The following KLF12 variants were observed in gnomAD, a reference collection of about 807,000 sequenced individuals.
The protein encoded by KLF12 is Krueppel-like factor 12.
A neutral mutation model predicts 37.8 loss-of-function variants in KLF12; 9 were observed. The observed-to-expected ratio is 0.24, with a 90% CI of 0.14 to 0.42. KLF12 has a LOEUF of 0.42. KLF12 is among the 10% of genes least tolerant of loss of function. The probability of loss-of-function intolerance (pLI) is 1.00; values close to 1 mark genes in which losing one functional copy is unlikely to be tolerated. For synonymous variants in KLF12, 208 were observed against 202.1 expected (o/e 1.03, Z -0.25); for missense variants, 411 against 516.0 (o/e 0.80, Z 1.97).
intron 1 of KLF12, among the ~76,000 whole-genome samples, chr13:74,051,690 G>T (rs1872937645): frequency 6.6e-6 from 1 of 152,086 alleles, no homozygotes; most frequent in Non-Finnish European, 1.5e-5. Context: ...GGGGGAGAAA[G>T]AATTGGGATC....
chr13:74,171,374 A>G, the KLF12 span, among the ~76,000 whole-genome samples: 2 of 152,168 alleles, frequency 1.3e-5, no homozygotes, highest in Non-Finnish European at 2.9e-5. Flanking sequence ...CCACACATCC[A>G]GTTAGGAGAC....
the KLF12 span, among the ~76,000 whole-genome samples, chr13:74,264,893 T>A: frequency 6.6e-6 from 1 of 152,174 alleles, no homozygotes; most frequent in Non-Finnish European, 1.5e-5. Flanking sequence ...AGTCTATTTT[T>A]TTTTCATATA....
At chr13:73,902,925 A>T (rs946029071) in intron 3 of KLF12, among the ~76,000 whole-genome samples, 1 of 152,246 alleles carries the variant, frequency 6.6e-6, no homozygotes, top group Non-Finnish European at 1.5e-5. Flanking sequence ...TATTTGGTTA[A>T]TGCCATTTCT....
At chr13:74,020,651 G>A (rs1464818133) in intron 1 of KLF12, among the ~76,000 whole-genome samples, 3 of 152,248 alleles carry the variant, frequency 2.0e-5, no homozygotes, top group African/African-American at 7.2e-5. Context: ...AGCACTTTGG[G>A]AGGCCGAGGC....
intron 5 of KLF12, among the ~76,000 whole-genome samples, chr13:73,786,995 A>G (rs9530240): frequency 0.11 from 16,259 of 152,168 alleles, 1,077 homozygotes; most frequent in Non-Finnish European, 0.15. Context: ...GCCCTCCTGG[A>G]CCACCTCAGG....
chr13:74,195,744 A>G, the KLF12 span, among the ~76,000 whole-genome samples: 1 of 152,074 alleles, frequency 6.6e-6, no homozygotes, highest in Non-Finnish European at 1.5e-5. Context: ...GATTATAGGC[A>G]CACACCACTA....
intron 1 of KLF12, among the ~76,000 whole-genome samples, chr13:74,057,700 T>C (rs77117100): frequency 1.3e-5 from 2 of 152,292 alleles, no homozygotes; most frequent in African/African-American, 2.4e-5. Flanking sequence ...AAAGAGAATA[T>C]ATTATCAGCT....
intron 2 of KLF12, among the ~76,000 whole-genome samples, chr13:73,944,914 A>G (rs2139373585): frequency 6.6e-6 from 1 of 152,326 alleles, no homozygotes; most frequent in African/African-American, 2.4e-5. Context: ...ATATTTTTAA[A>G]CATGTTTAGA....
chr13:73,988,899 A>G (rs145453738), intron 2 of KLF12, among the ~76,000 whole-genome samples: 252 of 152,366 alleles, frequency 1.7e-3, no homozygotes, highest in African/African-American at 5.5e-3. Flanking sequence ...TTTCTCATTT[A>G]ACCTTCACAA....
the KLF12 span, among the ~76,000 whole-genome samples, chr13:74,275,214 C>T: frequency 2.6e-5 from 4 of 152,002 alleles, no homozygotes; most frequent in Non-Finnish European, 4.4e-5. Context: ...GTGTGTGAGG[C>T]GGAGTGATTG....
chr13:73,941,233 C>T (rs2139352631), intron 3 of KLF12, among the ~76,000 whole-genome samples: 1 of 152,128 alleles, frequency 6.6e-6, no homozygotes, highest in East Asian at 1.9e-4. Flanking sequence ...TTTTTGTTCA[C>T]TGTTAACTAA....
intron 3 of KLF12, among the ~76,000 whole-genome samples, chr13:73,928,885 T>C (rs558159217): frequency 2.6e-5 from 4 of 152,332 alleles, no homozygotes; most frequent in Admixed American, 2.6e-4. Context: ...TGTCAGATAA[T>C]ATAAGTGCCC....
At chr13:74,029,754 A>T (rs541994362) in intron 1 of KLF12, among the ~76,000 whole-genome samples, 1 of 152,212 alleles carries the variant, frequency 6.6e-6, no homozygotes, top group Non-Finnish European at 1.5e-5. Flanking sequence ...CCTCCTAGGC[A>T]GTTAGCTCCC....
the KLF12 span, among the ~76,000 whole-genome samples, chr13:74,140,715 C>G: frequency 0.95 from 145,020 of 152,282 alleles, 69,427 homozygotes; most frequent in Non-Finnish European, 1. Flanking sequence ...TGCATAGCCT[C>G]GCTAAGAAAT....
At chr13:74,105,950 G>A (rs1469145557) in intron 1 of KLF12, among the ~76,000 whole-genome samples, 1 of 152,118 alleles carries the variant, frequency 6.6e-6, no homozygotes, top group African/African-American at 2.4e-5. Context: ...ATGAAATTAA[G>A]GTAGCAATGA....
the KLF12 span, among the ~76,000 whole-genome samples, chr13:74,190,893 G>C: frequency 6.6e-6 from 1 of 152,126 alleles, no homozygotes; most frequent in Non-Finnish European, 1.5e-5. Flanking sequence ...TCTGAGCTTT[G>C]TGACAACTGT....
chr13:73,845,961 T>C lies in KLF12; in HGVS notation c.536A>G (p.Lys179Arg), dbSNP rs745359535. ...GGGGATGCGGTGAACATGACTCAGT[T>C]TGTTAGACTGTAAATTCATGGGACT... The change falls in exon 4 of 8, where the codon AAA becomes AGA. Residue 179 changes from lysine (K) to arginine (R), a missense_variant. This residue lies in a region of KLF12 where 351 missense variants were observed against 397.8 expected (regional missense o/e 0.88). Coordinates refer to ENST00000377669, the MANE Select transcript of KLF12 (RefSeq NM_007249.5). 4 of 1,614,026 alleles carry C rather than the reference T, an allele frequency of 2.5e-6. No individual in the cohort carries two copies. Among genetic ancestry groups the C allele is most frequent in the Non-Finnish European group, 3.4e-6 (4 of 1,180,016 alleles).
intron 1 of KLF12, among the ~76,000 whole-genome samples, chr13:74,014,610 G>C (rs114713792): frequency 6.6e-6 from 1 of 152,104 alleles, no homozygotes; most frequent in Non-Finnish European, 1.5e-5. Flanking sequence ...GTATTTAACA[G>C]GTATATTTAA....
intron 3 of KLF12, among the ~76,000 whole-genome samples, chr13:73,930,292 A>T (rs906468641): frequency 6.6e-6 from 1 of 152,230 alleles, no homozygotes; most frequent in Non-Finnish European, 1.5e-5. Flanking sequence ...AATATCTATT[A>T]AATAAACTCT....
Sources: gnomAD v4.1 joint callset for allele counts (sites outside exome capture counted in the v4.1 genomes callset) on GRCh38, gnomAD v4.1.1 for gene constraint, gnomAD v4.1.1 regional missense constraint, MANE v1.5 for transcripts, NCBI Gene and HGNC (gene_info 2026-07-23, HGNC 2026-07-21) for gene names.